SLC35G1: variants seen among roughly 807,000 people sequenced by gnomAD.
SLC35G1 encodes the protein partner of STIM1.
SLC35G1 carries 10 observed loss-of-function variants against 17.1 expected under a neutral mutation model. The observed-to-expected ratio is 0.59, with a 90% CI of 0.36 to 0.99. The LOEUF (loss-of-function observed/expected upper bound fraction) is 0.99. SLC35G1 is among the 50% of genes least tolerant of loss of function. SLC35G1 has a pLI of 0.01. For synonymous variants in SLC35G1, 185 were observed against 181.1 expected, an observed-to-expected ratio of 1.02 and a Z score of -0.18; for missense variants, 433 against 468.4, an observed-to-expected ratio of 0.92 and a Z score of 0.70.
exon 3 of SLC35G1, chr10:93,909,291 ACC>A: frequency 6.6e-6 from 1 of 152,018 alleles, no homozygotes; most frequent in East Asian, 1.9e-4. Flanking sequence ...TATTCTCAAA[ACC>A]CTGGTCTGTC....
exon 3 of SLC35G1, chr10:93,909,788 A>G (rs2060449350): frequency 6.6e-6 from 1 of 152,192 alleles, no homozygotes; most frequent in Non-Finnish European, 1.5e-5. Flanking sequence ...TAAACTGTCA[A>G]ATTTCCCGTT....
chr10:93,907,120 T>A (rs565256085), downstream of SLC35G1: 2 of 152,222 alleles, frequency 1.3e-5, no homozygotes, highest in Non-Finnish European at 2.9e-5. Flanking sequence ...GGCTCACACC[T>A]GTAATCCCAG....
chr10:93,896,523 T>C (rs1475777721), intron 1 of SLC35G1, among the ~76,000 whole-genome samples: 2 of 152,210 alleles, frequency 1.3e-5, no homozygotes, highest in African/African-American at 4.8e-5. Flanking sequence ...CTTTCAGTTA[T>C]GCTAGTCATG....
rs751400979 is a variant in SLC35G1, at chr10:93,901,040, A to C, written c.648A>C (p.Glu216Asp). 1.2e-6 allele frequency: 2 copies of C among 1,614,138 alleles called. No individual in the cohort carries two copies. The highest frequency in any genetic ancestry group is 1.7e-6 in the Non-Finnish European group (2 of 1,179,984). The change falls in exon 3 of 3, where the codon GAA becomes GAC. Residue 216 changes from glutamate to aspartate, a missense_variant. Physicochemically the swap from Glu to Asp is conservative, Grantham distance 45 (BLOSUM62 2). Coordinates refer to ENST00000427197, the MANE Select transcript of SLC35G1 (RefSeq NM_001134658.3). The stretch of plus-strand genomic sequence containing the variant: ...GTTCCGACACTTCGGGGATGGAAGA[A>C]AGCTATTCAGGCCACCTTAAGGGAA... ...LFGSDTSGME[E>D]SYSGHLKGTF...
At position 93,901,634 on chromosome 10, in the gene SLC35G1, T is replaced by C. The variant is rs1459559806; in HGVS notation, c.*144T>C. On this transcript the variant is annotated 3_prime_UTR_variant, in exon 3 of 3. Coordinates refer to ENST00000427197, the MANE Select transcript of SLC35G1 (RefSeq NM_001134658.3). The stretch of plus-strand genomic sequence containing the variant: ...TAAAGTACCATTTTTGAATATAGTA[T>C]GTCTTTAGTTAAGAATAGCTAGTCT... 5 of 936,640 alleles carry C rather than the reference T, an allele frequency of 5.3e-6. No individual in the cohort carries two copies. Among genetic ancestry groups the C allele is most frequent in the Non-Finnish European group, 7.4e-6 (5 of 676,988 alleles). 58.0% of individuals were successfully genotyped at this position (936,640 alleles called of 1,614,324 possible).
intron 1 of SLC35G1, among the ~76,000 whole-genome samples, chr10:93,895,794 T>C (rs1356198198): frequency 1.3e-5 from 2 of 152,140 alleles, no homozygotes; most frequent in Non-Finnish European, 2.9e-5. Flanking sequence ...CATACAGCTG[T>C]CCCAAGACAT....
chr10:93,901,543 C>T lies in SLC35G1; in HGVS notation c.*53C>T, dbSNP rs2060385279. ...TTCAAGTACACCATCACCTAATTCA[C>T]ATACAGCATACGCACACATCTGGAA... On this transcript the variant is annotated 3_prime_UTR_variant, in exon 3 of 3. Coordinates refer to ENST00000427197, the MANE Select transcript of SLC35G1 (RefSeq NM_001134658.3). The T allele has an allele frequency of 6.6e-7, 1 of 1,523,726 alleles. No individual in the cohort carries two copies. The highest frequency in any genetic ancestry group is 2.1e-5 in the Admixed American group (1 of 46,570). The allele number at this position is 1,523,726 out of a possible 1,614,324, so 94.4% of individuals were successfully genotyped here.
At position 93,901,027 on chromosome 10, in the gene SLC35G1, C is replaced by G. The variant is rs144586382; in HGVS notation, c.635C>G (p.Ser212Trp). 1.2e-6 allele frequency: 2 copies of G among 1,613,894 alleles called. No individual in the cohort carries two copies. The highest frequency in any genetic ancestry group is 1.3e-5 in the African/African-American group (1 of 74,884). ...CCATTTTTGTTTGGTTCCGACACTT[C>G]GGGGATGGAAGAAAGCTATTCAGGC... ...RPPFLFGSDT[S>W]GMEESYSGHL... The change falls in exon 3 of 3, where the codon TCG becomes TGG. Residue 212 changes from serine (S) to tryptophan (W), a missense_variant. Physicochemically the swap from Ser to Trp is radical, Grantham distance 177. Coordinates refer to ENST00000427197, the MANE Select transcript of SLC35G1 (RefSeq NM_001134658.3).
At position 93,903,701 on chromosome 10, in the gene SLC35G1, G is replaced by A. The variant is rs1198618371; in HGVS notation, c.*2211G>A. The stretch of plus-strand genomic sequence containing the variant: ...ACACAATGTCCAAGGTGTATACAAG[G>A]ATATGTATTGTAACAACTATGGGTA... On this transcript the variant is annotated 3_prime_UTR_variant, in exon 3 of 3. Transcript: ENST00000427197. 1 of 152,160 alleles carries A rather than the reference G, an allele frequency of 6.6e-6. No homozygotes were observed. Among genetic ancestry groups the A allele is most frequent in the East Asian group, 1.9e-4 (1 of 5,194 alleles). 9.4% of individuals were successfully genotyped at this position (152,160 alleles called of 1,614,324 possible).
In SLC35G1 at chr10:93,894,001, G is replaced by A; in HGVS notation, c.-33G>A. The A allele has an allele frequency of 7.4e-7, 1 of 1,348,046 alleles. No individual in the cohort carries two copies. The highest frequency in any genetic ancestry group is 1.8e-5 in the South Asian group (1 of 55,032). 83.5% of individuals were successfully genotyped at this position (1,348,046 alleles called of 1,614,324 possible). On this transcript the variant is annotated 5_prime_UTR_variant, in exon 1 of 3. Coordinates refer to ENST00000427197, the MANE Select transcript of SLC35G1 (RefSeq NM_001134658.3). Reference sequence around the variant, plus strand: ...CCAGGCGCTGCTGCTGGCGCCAGACGGCACCGGCCGCTGGTAGAGCGCGTG... The same window carrying A: ...CCAGGCGCTGCTGCTGGCGCCAGACAGCACCGGCCGCTGGTAGAGCGCGTG...
chr10:93,894,183 C>G lies in SLC35G1; in HGVS notation c.150C>G (p.Ser50=). The G allele has an allele frequency of 1.4e-6, 2 of 1,450,436 alleles. No individual in the cohort carries two copies. Among genetic ancestry groups the G allele is most frequent in the Non-Finnish European group, 1.8e-6 (2 of 1,108,100 alleles). The allele number at this position is 1,450,436 out of a possible 1,614,324, so 89.8% of individuals were successfully genotyped here. A position where few individuals can be genotyped will look rare whatever the true frequency, so the allele number is the denominator to read the frequency against. The change falls in exon 1 of 3, where the codon TCC becomes TCG. Residue 50 remains serine (S), a synonymous_variant. Coordinates refer to ENST00000427197, the MANE Select transcript of SLC35G1 (RefSeq NM_001134658.3). ...PDRGRCWLCL[S]SPCCSRTEPE... Reference sequence around the variant, plus strand: ...GCGGTAGGTGCTGGCTCTGCCTTTCCTCGCCGTGTTGCTCCCGCACCGAGC... The same window carrying G: ...GCGGTAGGTGCTGGCTCTGCCTTTCGTCGCCGTGTTGCTCCCGCACCGAGC...
intron 1 of SLC35G1, 114 bp downstream of exon 1, chr10:93,894,325 C>A: frequency 9.4e-7 from 1 of 1,058,902 alleles, no homozygotes; most frequent in Non-Finnish European, 1.2e-6. Flanking sequence ...CCGTCCCCAC[C>A]CTGCCCGGGG....
In SLC35G1 at chr10:93,901,401, C is replaced by G; in HGVS notation, c.1009C>G (p.Pro337Ala). 2 of 1,614,010 alleles carry G rather than the reference C, an allele frequency of 1.2e-6. No individual in the cohort carries two copies. Among genetic ancestry groups the G allele is most frequent in the Non-Finnish European group, 1.7e-6 (2 of 1,179,950 alleles). ...IFQIIFFNNV[P>A]TWWTVGGALC... ...TCAGATTATTTTCTTTAATAATGTGCCAACGTGGTGGACAGTGGGTGGTGC... is the reference window on the plus strand; with the variant it reads ...TCAGATTATTTTCTTTAATAATGTGGCAACGTGGTGGACAGTGGGTGGTGC... The change falls in exon 3 of 3, where the codon CCA becomes GCA. Residue 337 changes from proline (P) to alanine (A), a missense_variant. Transcript: ENST00000427197.
At chr10:93,900,560 C>T (rs950067167) in intron 2 of SLC35G1, among the ~76,000 whole-genome samples, 192 bp from the exon 3 acceptor site, 4 of 152,010 alleles carry the variant, frequency 2.6e-5, no homozygotes, top group African/African-American at 7.2e-5. Context: ...GAACACTTTA[C>T]TGTCATTAAC....
rs1458439952 is a variant in SLC35G1, at chr10:93,901,091, A to G, written c.699A>G (p.Val233=). 3 of 1,614,118 alleles carry G rather than the reference A, an allele frequency of 1.9e-6. No individual in the cohort carries two copies. Among genetic ancestry groups the G allele is most frequent in the Non-Finnish European group, 2.5e-6 (3 of 1,179,984 alleles). ...KGTFAAIGSA[V]FAASTLVILR... ...CATTCGCAGCAATTGGAAGTGCCGT[A>G]TTTGCTGCATCGACTCTAGTTATCC... The change falls in exon 3 of 3, where the codon GTA becomes GTG. Residue 233 remains valine (V), a synonymous_variant. Transcript: ENST00000427197.
rs1402727104 is a variant in SLC35G1 at position 93,901,557 on chromosome 10, A to C, written c.*67A>C. The stretch of plus-strand genomic sequence containing the variant: ...CACCTAATTCACATACAGCATACGC[A>C]CACATCTGGAAAATCTGCATTTTCT... On this transcript the variant is annotated 3_prime_UTR_variant, in exon 3 of 3. Coordinates refer to ENST00000427197, the MANE Select transcript of SLC35G1 (RefSeq NM_001134658.3). 32 of 1,479,744 alleles carry C rather than the reference A, an allele frequency of 2.2e-5. No individual in the cohort carries two copies. In the South Asian group the frequency reaches 2.4e-4, roughly 11 times the overall value. The allele number at this position is 1,479,744 out of a possible 1,614,324, so 91.7% of individuals were successfully genotyped here. A position where few individuals can be genotyped will look rare whatever the true frequency, so the allele number is the denominator to read the frequency against.
intron 2 of SLC35G1, 115 bp from the exon 3 acceptor site, chr10:93,900,637 C>T: frequency 1.6e-6 from 1 of 608,724 alleles, no homozygotes; most frequent in Non-Finnish European, 2.6e-6. Flanking sequence ...AATTAATTTA[C>T]TATTCCCTCA....
downstream of SLC35G1, chr10:93,907,833 G>A (rs1022385145): frequency 6.8e-6 from 1 of 147,928 alleles, no homozygotes; most frequent in Admixed American, 6.7e-5. Context: ...AATAAAATTG[G>A]TGGAACAAAA....
intron 2 of SLC35G1, 82 bp from the exon 3 acceptor site, chr10:93,900,670 A>T: frequency 1.7e-6 from 2 of 1,198,586 alleles, no homozygotes; most frequent in Non-Finnish European, 2.3e-6. Context: ...TAGTACTTTT[A>T]AAATAATGTT....
Sources: allele counts gnomAD v4.1 joint callset (sites outside exome capture counted in the v4.1 genomes callset), GRCh38; gene constraint gnomAD v4.1.1; transcripts MANE v1.5; gene names NCBI Gene and HGNC (gene_info 2026-07-23, HGNC 2026-07-21).